The following IL17RA variants were observed in gnomAD, a reference collection of about 807,000 sequenced individuals.
The protein encoded by IL17RA is interleukin-17 receptor A.
A neutral mutation model predicts 50.4 loss-of-function variants in IL17RA; 34 were observed. That is an observed-to-expected ratio of 0.67 (90% confidence interval 0.51 to 0.90). The LOEUF is 0.90. IL17RA is among the 40% of genes least tolerant of loss of function. IL17RA has a pLI of 0.00. For missense variants in IL17RA, 1,276 were observed against 1,169.8 expected, an observed-to-expected ratio of 1.09 and a Z score of -1.32; for synonymous variants, 585 against 510.4, an observed-to-expected ratio of 1.15 and a Z score of -1.97.
Position 17,108,349 on chromosome 22 carries a change from C to T in IL17RA, c.1130C>T (p.Pro377Leu). 1 of 1,614,130 alleles carries T rather than the reference C, an allele frequency of 6.2e-7. No homozygotes were observed. The highest frequency in any genetic ancestry group is 8.5e-7 in the Non-Finnish European group (1 of 1,180,008). ...AADLIPPPLK[P>L]RKVWIIYSAD... is the part of the protein sequence containing the mutation. ...GACCTGATCCCCCCACCGCTGAAGCCCAGGAAGGTCTGGATCATCTACTCA... is the reference window on the plus strand; with the variant it reads ...GACCTGATCCCCCCACCGCTGAAGCTCAGGAAGGTCTGGATCATCTACTCA... The change falls in exon 13 of 13, where the codon CCC becomes CTC. Residue 377 changes from proline (P) to leucine (L), a missense_variant. Physicochemically the swap from Pro to Leu is moderately conservative, Grantham distance 98. Transcript: ENST00000319363.
chr22:17,104,864 C>T, intron 9 of IL17RA, 54 bp downstream of exon 9: 1 of 1,544,616 alleles, frequency 6.5e-7, no homozygotes, highest in Non-Finnish European at 8.9e-7. Context: ...TGGCTGAAGG[C>T]CCCCAGCCTG....
intron 7 of IL17RA, 63 bp from the exon 8 acceptor site, chr22:17,103,431 G>A (rs2123803644): frequency 7.3e-7 from 1 of 1,364,060 alleles, no homozygotes; most frequent in Non-Finnish European, 1.0e-6. Context: ...GCCACAGCGT[G>A]TTCTTACCCA....
rs2061372119 is a variant in IL17RA, at chr22:17,097,400, TC to T, written c.163+315del. On this transcript the variant is annotated intron_variant, in intron 2 of 12. Coordinates refer to ENST00000319363, the MANE Select transcript of IL17RA (RefSeq NM_014339.7). Reference sequence around the variant, plus strand: ...GCTTGTCACTGTAAAGTGAGAGACATCTGTGCTGTTGATTTTGTTTTGTTTT... The same window carrying T: ...GCTTGTCACTGTAAAGTGAGAGACATTGTGCTGTTGATTTTGTTTTGTTTT... The T allele has an allele frequency of 5.2e-5, 27 of 522,550 alleles. No homozygotes were observed. The East Asian group carries it at 9.3e-4, about 18-fold the overall frequency. 32.4% of individuals were successfully genotyped at this position (522,550 alleles called of 1,614,324 possible).
At chr22:17,091,777 A>G (rs751354352) in intron 1 of IL17RA, among the ~76,000 whole-genome samples, 28 of 151,820 alleles carry the variant, frequency 1.8e-4, no homozygotes, top group East Asian at 3.8e-4. Flanking sequence ...TATTCCTGAT[A>G]TTACAACAGT....
chr22:17,085,129 G>A lies in IL17RA; in HGVS notation c.38G>A (p.Gly13Glu). The A allele has an allele frequency of 6.8e-7, 1 of 1,463,824 alleles. No individual in the cohort carries two copies. Among genetic ancestry groups the A allele is most frequent in the Non-Finnish European group, 9.0e-7 (1 of 1,109,804 alleles). 90.7% of individuals were successfully genotyped at this position (1,463,824 alleles called of 1,614,324 possible). A position where few individuals can be genotyped will look rare whatever the true frequency, so the allele number is the denominator to read the frequency against. The change falls in exon 1 of 13, where the codon GGG becomes GAG. Residue 13 changes from glycine to glutamate, a missense_variant. Transcript: ENST00000319363. Reference sequence around the variant, plus strand: ...CGCAGCCCGCCGTCCGCTGTCCCGGGGCCCCTGCTGGGGCTGCTCCTGCTG... The same window carrying A: ...CGCAGCCCGCCGTCCGCTGTCCCGGAGCCCCTGCTGGGGCTGCTCCTGCTG... Reference protein sequence around the residue: ...AARSPPSAVPGPLLGLLLLLL... With the variant: ...AARSPPSAVPEPLLGLLLLLL...
chr22:17,093,320 T>C (rs1439514396), intron 1 of IL17RA, among the ~76,000 whole-genome samples: 1 of 152,176 alleles, frequency 6.6e-6, no homozygotes, highest in Admixed American at 6.5e-5. Context: ...GGTGTTTTTT[T>C]TGGGCCTGGC....
intron 1 of IL17RA, among the ~76,000 whole-genome samples, chr22:17,086,118 G>A (rs772928926): frequency 4.6e-5 from 7 of 152,094 alleles, no homozygotes; most frequent in Non-Finnish European, 1.0e-4. Context: ...GCCTTTCTGT[G>A]AGCCAGGACC....
intron 1 of IL17RA, among the ~76,000 whole-genome samples, chr22:17,094,691 C>CTCTCTCTATA (rs1448096911): frequency 2.0e-4 from 5 of 24,706 alleles, no homozygotes; most frequent in African/African-American, 9.0e-4. Flanking sequence ...CTCTCTCTCT[C>CTCTCTCTATA]TATATATATA....
At chr22:17,100,304 T>C in intron 4 of IL17RA, 51 bp from the exon 5 acceptor site, 1 of 1,612,874 alleles carries the variant, frequency 6.2e-7, no homozygotes, top group Non-Finnish European at 8.5e-7. Flanking sequence ...CATAGATGGG[T>C]GACAGAGGTG....
At position 17,109,635 on chromosome 22, in the gene IL17RA, G is replaced by T. The variant is rs765340113; in HGVS notation, c.2416G>T (p.Glu806Ter). 6.2e-7 allele frequency: 1 copy of T among 1,608,494 alleles called. No individual in the cohort carries two copies. The change falls in exon 13 of 13, where the codon GAG (glutamate) becomes TAG (stop). Residue 806 changes from glutamate to a stop codon, truncating the protein, a stop_gained. Transcript: ENST00000319363. LOFTEE classifies it low-confidence loss of function (END_TRUNC). ...YISRSSPQPP[E>*]GLTEMEEEEE... is the part of the protein sequence containing the mutation. Reference sequence around the variant, plus strand: ...CTCCAGGAGCTCCCCGCAGCCCCCCGAGGGACTCACGGAAATGGAGGAAGA... The same window carrying T: ...CTCCAGGAGCTCCCCGCAGCCCCCCTAGGGACTCACGGAAATGGAGGAAGA...
chr22:17,091,663 G>A (rs1208506312), intron 1 of IL17RA, among the ~76,000 whole-genome samples: 1 of 151,172 alleles, frequency 6.6e-6, no homozygotes, highest in Non-Finnish European at 1.5e-5. Flanking sequence ...GGGTGACAGA[G>A]CGAGACTCTG....
intron 11 of IL17RA, among the ~76,000 whole-genome samples, chr22:17,107,358 C>T (rs958194970): frequency 2.0e-5 from 3 of 152,234 alleles, no homozygotes; most frequent in Non-Finnish European, 2.9e-5. Context: ...CCCTGCCCCC[C>T]GGCACTGGGG....
chr22:17,106,868 C>A (rs1042838368), intron 11 of IL17RA, among the ~76,000 whole-genome samples: 3 of 148,952 alleles, frequency 2.0e-5, no homozygotes, highest in Non-Finnish European at 4.5e-5. Context: ...GCGGCGGCGG[C>A]GCTTTTGGTT....
At position 17,100,426 on chromosome 22, in the gene IL17RA, C is replaced by T. The variant is rs772270070; in HGVS notation, c.495C>T (p.Pro165=). ...QEYEVTVHHL[P]KPIPDGDPNH... The stretch of plus-strand genomic sequence containing the variant: ...ATGAGGTGACCGTTCACCACCTGCC[C>T]AAGCCCATCCCTGATGGGGACCCAA... The change falls in exon 5 of 13, where the codon CCC becomes CCT. Residue 165 remains proline, a synonymous_variant. Coordinates refer to ENST00000319363, the MANE Select transcript of IL17RA (RefSeq NM_014339.7). 1 of 1,614,110 alleles carries T rather than the reference C, an allele frequency of 6.2e-7. No individual in the cohort carries two copies. Among genetic ancestry groups the T allele is most frequent in the Non-Finnish European group, 8.5e-7 (1 of 1,180,006 alleles).
At chr22:17,105,401 A>G (rs1433298200) in intron 9 of IL17RA, among the ~76,000 whole-genome samples, 190 bp from the exon 10 acceptor site, 1 of 152,152 alleles carries the variant, frequency 6.6e-6, no homozygotes, top group African/African-American at 2.4e-5. Context: ...GGAGGAGGCA[A>G]GGTGTCTCTT....
At position 17,093,672 on chromosome 22, in the gene IL17RA, A is replaced by G. The variant is rs531963629; in HGVS notation, c.139-3390A>G. The G allele has an allele frequency of 5.1e-5, 9 of 176,246 alleles. No homozygotes were observed. The South Asian group carries it at 1.3e-3, about 25-fold the overall frequency. The allele number at this position is 176,246 out of a possible 1,614,324, so 10.9% of individuals were successfully genotyped here. A position where few individuals can be genotyped will look rare whatever the true frequency, so the allele number is the denominator to read the frequency against. ...TGAAAGTGGTAATGGGTACACAGGT[A>G]ACCAAAGTATAGAGCTTGCTTGGTG... On this transcript the variant is annotated intron_variant, in intron 1 of 12. Coordinates refer to ENST00000319363, the MANE Select transcript of IL17RA (RefSeq NM_014339.7).
At position 17,102,249 on chromosome 22, in the gene IL17RA, T is replaced by C. The variant is rs753988382; in HGVS notation, c.709T>C (p.Phe237Leu). 6.2e-7 allele frequency: 1 copy of C among 1,614,134 alleles called. No homozygotes were observed. The highest frequency in any genetic ancestry group is 2.2e-5 in the East Asian group (1 of 44,882). Reference sequence around the variant, plus strand: ...CCATTACCAGATCCTGCTGACCAGTTTTCCGCACATGGAGAACCACAGTTG... The same window carrying C: ...CCATTACCAGATCCTGCTGACCAGTCTTCCGCACATGGAGAACCACAGTTG... Reference protein sequence around the residue: ...STHYQILLTSFPHMENHSCFE... With the variant: ...STHYQILLTSLPHMENHSCFE... The change falls in exon 7 of 13, where the codon TTT becomes CTT. Residue 237 changes from phenylalanine (F) to leucine (L), a missense_variant. Transcript: ENST00000319363.
In IL17RA at chr22:17,090,749, G is replaced by A. The variant is rs550180862; in HGVS notation, c.138+5520G>A. Among the ~76,000 whole-genome samples, 10 of 152,160 alleles carry A rather than the reference G, an allele frequency of 6.6e-5. No individual in the cohort carries two copies. The South Asian group carries it at 2.1e-3, about 32-fold the overall frequency. ...ATGATTTTAGTTAAATTAATAGTCA[G>A]CATTTATATAACAATTAAGTAATCT... On this transcript the variant is annotated intron_variant, in intron 1 of 12. Transcript: ENST00000319363.
chr22:17,110,026 T>TC lies in IL17RA; in HGVS notation c.*208dup, dbSNP rs1568924672. 1 of 605,916 alleles carries TC rather than the reference T, an allele frequency of 1.7e-6. No individual in the cohort carries two copies. The highest frequency in any genetic ancestry group is 4.4e-4 in the Middle Eastern group (1 of 2,260). 37.5% of individuals were successfully genotyped at this position (605,916 alleles called of 1,614,324 possible). On this transcript the variant is annotated 3_prime_UTR_variant, in exon 13 of 13. Transcript: ENST00000319363. ...TGGTTATCGTCTATCCCCAGGGGAA[T>TC]CCACACAGCCCGCTCCCAGGAGCTA... is the stretch of plus-strand genomic sequence containing the variant.
Sources: gnomAD v4.1 joint callset for allele counts (sites outside exome capture counted in the v4.1 genomes callset) on GRCh38, gnomAD v4.1.1 for gene constraint, MANE v1.5 for transcripts, NCBI Gene and HGNC (gene_info 2026-07-23, HGNC 2026-07-21) for gene names.